Variants in LOXHD1 observed in about 807,000 individuals in gnomAD.
LOXHD1 encodes the protein lipoxygenase homology PLAT domains 1.
Under a neutral mutation model 248.2 loss-of-function variants are expected in LOXHD1, and 205 were observed. That is an observed-to-expected ratio of 0.83 (90% CI 0.74 to 0.93). The LOEUF (loss-of-function observed/expected upper bound fraction) is 0.93, where lower values mean the gene tolerates loss of function less well. LOXHD1 is among the 40% of genes least tolerant of loss of function. The pLI, the probability that LOXHD1 is intolerant of heterozygous loss-of-function variation, is 0.00. For synonymous variants in LOXHD1, 1,113 were observed against 1,162.8 expected (o/e 0.96, Z 0.87); for missense variants, 2,930 against 2,971.6 (o/e 0.99, Z 0.33).
Position 46,518,260 on chromosome 18 carries a change from C to T in LOXHD1, c.5272-4G>A, listed in dbSNP as rs2035373079. On this transcript the variant is annotated splice_polypyrimidine_tract_variant and splice_region_variant and intron_variant, in intron 33 of 40. Coordinates refer to ENST00000642948, the MANE Select transcript of LOXHD1 (RefSeq NM_001384474.1). ...ACACCGTCATTTCATAGAGAACCTG[C>T]CATGAGAGGAATGCAGGTGCTGAGT... The T allele has an allele frequency of 1.3e-6, 2 of 1,550,872 alleles. No homozygotes were observed. Among genetic ancestry groups the T allele is most frequent in the African/African-American group, 1.4e-5 (1 of 73,138 alleles).
intron 8 of LOXHD1, among the ~76,000 whole-genome samples, chr18:46,599,156 T>C (rs887135945): frequency 6.6e-6 from 1 of 152,174 alleles, no homozygotes; most frequent in Non-Finnish European, 1.5e-5. Context: ...ATTTTATGTG[T>C]GGTAGAAAAG....
chr18:46,511,142 G>T (rs1568117418), intron 34 of LOXHD1, among the ~76,000 whole-genome samples: 1 of 152,196 alleles, frequency 6.6e-6, no homozygotes, highest in Non-Finnish European at 1.5e-5. Context: ...CTGGAAGACT[G>T]CAAGGAGATT....
At position 46,656,951 on chromosome 18, in the gene LOXHD1, G is replaced by A. The variant is rs1264045153; in HGVS notation, c.83C>T (p.Ser28Leu). The stretch of plus-strand genomic sequence containing the variant: ...TTCCAGCTCCCCCTCGTCGTCCTCC[G>A]AGGCGTAGTTCAGCAGCTCCGCTTC... ...LYEAELLNYA[S>L]EDDEGELEHE... Residue 28 changes from serine to leucine, a missense_variant, in exon 1 of 41, where the codon TCG becomes TTG. Coordinates refer to ENST00000642948, the MANE Select transcript of LOXHD1 (RefSeq NM_001384474.1). 1 of 1,551,592 alleles carries A rather than the reference G, an allele frequency of 6.4e-7. No homozygotes were observed. The highest frequency in any genetic ancestry group is 2.0e-5 in the Admixed American group (1 of 51,000).
intron 38 of LOXHD1, among the ~76,000 whole-genome samples, chr18:46,487,450 G>A: frequency 6.6e-6 from 1 of 152,206 alleles, no homozygotes; most frequent in East Asian, 1.9e-4. Flanking sequence ...GCATGTGACG[G>A]CCATGGAGGA....
Position 46,524,614 on chromosome 18 carries a change from G to C in LOXHD1, c.4741-13C>G, listed in dbSNP as rs1465132411. The C allele has an allele frequency of 6.4e-7, 1 of 1,551,538 alleles. No homozygotes were observed. Among genetic ancestry groups the C allele is most frequent in the Non-Finnish European group, 8.7e-7 (1 of 1,146,946 alleles). On this transcript the variant is annotated splice_polypyrimidine_tract_variant and intron_variant, in intron 30 of 40. Coordinates refer to ENST00000642948, the MANE Select transcript of LOXHD1 (RefSeq NM_001384474.1). ...CCCCAGTGTACTCCTGTGTGGGAGA[G>C]CAGGACTGGCAGTTGCAGCTCCAGC...
chr18:46,525,956 T>C (rs1568138792), intron 29 of LOXHD1, among the ~76,000 whole-genome samples: 1 of 152,112 alleles, frequency 6.6e-6, no homozygotes, highest in Admixed American at 6.6e-5. Context: ...GACAGACGTC[T>C]CCAGGTGTCA....
At chr18:46,597,788 G>A (rs1311117983) in intron 8 of LOXHD1, among the ~76,000 whole-genome samples, 5 of 149,368 alleles carry the variant, frequency 3.3e-5, no homozygotes, top group East Asian at 1.9e-4. Flanking sequence ...ATGGAGTCTC[G>A]CTCTGTTGCC....
chr18:46,479,311 G>A lies in LOXHD1; in HGVS notation c.6342-1359C>T, dbSNP rs540455774. On this transcript the variant is annotated intron_variant, in intron 40 of 40. Coordinates refer to ENST00000642948, the MANE Select transcript of LOXHD1 (RefSeq NM_001384474.1). ...AAAGGGAAAGAGAAAGTCCTCTATCGAAGAAGCCATCACAAGCAGAAGCAA... is the reference window on the plus strand; with the variant it reads ...AAAGGGAAAGAGAAAGTCCTCTATCAAAGAAGCCATCACAAGCAGAAGCAA... Among the ~76,000 whole-genome samples the A allele has an allele frequency of 1.1e-4, 16 of 148,838 alleles. No individual in the cohort carries two copies. In the South Asian group the frequency reaches 2.6e-3, roughly 24 times the overall value.
chr18:46,533,113 G>C lies in LOXHD1; in HGVS notation c.4375+49C>G, dbSNP rs1260790393. On this transcript the variant is annotated intron_variant, in intron 28 of 40. Coordinates refer to ENST00000642948, the MANE Select transcript of LOXHD1 (RefSeq NM_001384474.1). ...ACAGGGCATGTGCTCAGGAGGACCA[G>C]GGTCCTGGAGCCTTCCCATGGTGAT... The C allele has an allele frequency of 1.9e-6, 3 of 1,542,546 alleles. No individual in the cohort carries two copies. The African/African-American group carries it at 4.1e-5, about 21-fold the overall frequency.
At position 46,483,685 on chromosome 18, in the gene LOXHD1, A is replaced by G. The variant is rs199645176; in HGVS notation, c.6243T>C (p.Cys2081=). 3.4e-4 allele frequency: 528 copies of G among 1,551,714 alleles called. 4 individuals are homozygous for G. Among genetic ancestry groups the G allele is most frequent in the South Asian group, 2.6e-3 (218 of 84,040 alleles). ...SIYLGDIASL[C]VGHLAREDRF... is the part of the protein sequence containing the mutation. ...GGTCTTCCCTGGCAAGGTGGCCCAC[A>G]CAGAGGGAGGCAATGTCCCCCAAGT... The change falls in exon 40 of 41, where the codon TGT becomes TGC. Residue 2081 remains cysteine, a synonymous_variant. Coordinates refer to ENST00000642948, the MANE Select transcript of LOXHD1 (RefSeq NM_001384474.1).
intron 21 of LOXHD1, among the ~76,000 whole-genome samples, chr18:46,554,081 G>A (rs916138336): frequency 6.6e-6 from 1 of 152,224 alleles, no homozygotes; most frequent in Non-Finnish European, 1.5e-5. Context: ...GAGCAGAGGA[G>A]TGGTGTGATC....
intron 13 of LOXHD1, 56 bp from the exon 14 acceptor site, chr18:46,577,923 A>G (rs1555682261): frequency 5.9e-6 from 9 of 1,530,636 alleles, no homozygotes; most frequent in South Asian, 3.6e-5. Context: ...GGACCCAAAC[A>G]CCAAGGGAAG....
chr18:46,557,915 G>T (rs1957194015), intron 20 of LOXHD1: 1 of 1,067,026 alleles, frequency 9.4e-7, no homozygotes, highest in Non-Finnish European at 1.1e-6. Flanking sequence ...CTATGAGCTG[G>T]TGCTGTGCAA....
At chr18:46,653,206 C>A (rs2039134820) in intron 1 of LOXHD1, among the ~76,000 whole-genome samples, 1 of 152,122 alleles carries the variant, frequency 6.6e-6, no homozygotes, top group Non-Finnish European at 1.5e-5. Flanking sequence ...GAGATCACGC[C>A]ACTGCACTCC....
chr18:46,530,740 C>T (rs2036029210), intron 28 of LOXHD1, among the ~76,000 whole-genome samples: 1 of 152,192 alleles, frequency 6.6e-6, no homozygotes, highest in Non-Finnish European at 1.5e-5. Context: ...GCAGGGTTCC[C>T]ATGATTTTCT....
rs775068654 is a variant in LOXHD1 at position 46,522,219 on chromosome 18, T to C, written c.4967A>G (p.Asp1656Gly). 6 of 1,551,724 alleles carry C rather than the reference T, an allele frequency of 3.9e-6. No homozygotes were observed. The South Asian group carries it at 7.1e-5, about 18-fold the overall frequency. The change falls in exon 32 of 41, where the codon GAT becomes GGT. Residue 1656 changes from aspartate (D) to glycine (G), a missense_variant. Coordinates refer to ENST00000642948, the MANE Select transcript of LOXHD1 (RefSeq NM_001384474.1). ...RAFIFLIGED[D>G]ERSKRIWLDY... ...CAACCAGATGCGCTTACTACGTTCATCATCCTCCCCGATGAGAAAGATGAA... is the reference window on the plus strand; with the variant it reads ...CAACCAGATGCGCTTACTACGTTCACCATCCTCCCCGATGAGAAAGATGAA...
In LOXHD1 at chr18:46,549,023, G is replaced by A. The variant is rs35774679; in HGVS notation, c.3351-1965C>T. 2.2e-4 allele frequency among the ~76,000 whole-genome samples: 34 copies of A among 152,288 alleles called. 1 individual carries two copies. In the South Asian group the frequency reaches 3.9e-3, roughly 18 times the overall value. ...GTCAGGTATGGCCTGAGCGCTGGGC[G>A]TTCAGCTTCTATCCCCACAGTGCCA... On this transcript the variant is annotated intron_variant, in intron 21 of 40. Coordinates refer to ENST00000642948, the MANE Select transcript of LOXHD1 (RefSeq NM_001384474.1).
At chr18:46,527,135 G>T (rs1174619552) in intron 29 of LOXHD1, among the ~76,000 whole-genome samples, 1 of 135,096 alleles carries the variant, frequency 7.4e-6, no homozygotes, top group Admixed American at 7.5e-5. Context: ...TGAGAGAGAG[G>T]AAAAAAAAAA....
At chr18:46,569,353 T>C (rs1421913403) in intron 16 of LOXHD1, 89 bp downstream of exon 16, 19 of 1,111,240 alleles carry the variant, frequency 1.7e-5, no homozygotes, top group Non-Finnish European at 2.2e-5. Context: ...TGTGTGTCTG[T>C]GTGTGGACAT....
Sources: allele counts gnomAD v4.1 joint callset (sites outside exome capture counted in the v4.1 genomes callset), GRCh38; gene constraint gnomAD v4.1.1; transcripts MANE v1.5; gene names NCBI Gene and HGNC (gene_info 2026-07-23, HGNC 2026-07-21).